The following ARMH3 variants were observed in gnomAD, a reference collection of about 807,000 sequenced individuals.
The protein encoded by ARMH3 is armadillo-like helical domain-containing protein 3.
A neutral mutation model predicts 99.1 loss-of-function variants in ARMH3; 60 were observed. The observed-to-expected ratio is 0.61, with a 90% CI of 0.49 to 0.75. The LOEUF (loss-of-function observed/expected upper bound fraction) is 0.75. ARMH3 is among the 30% of genes least tolerant of loss of function. The pLI is 0.00. For synonymous variants in ARMH3, 285 were observed against 292.8 expected, an observed-to-expected ratio of 0.97 and a Z score of 0.27; for missense variants, 679 against 843.1, an observed-to-expected ratio of 0.81 and a Z score of 2.41.
chr10:101,913,149 C>T (rs1261380049), intron 23 of ARMH3: 2 of 146,648 alleles, frequency 1.4e-5, no homozygotes, highest in Non-Finnish European at 3.1e-5. Context: ...CCTAGCTAAG[C>T]TTTTCTTTTC....
chr10:101,923,833 TAA>T (rs1488683217), intron 23 of ARMH3, among the ~76,000 whole-genome samples: 3 of 152,200 alleles, frequency 2.0e-5, no homozygotes, highest in East Asian at 3.8e-4. Context: ...GACTTTTCCA[TAA>T]AAGAGTCTTA....
chr10:101,946,638 G>A (rs745458392), intron 22 of ARMH3, among the ~76,000 whole-genome samples: 2 of 152,046 alleles, frequency 1.3e-5, no homozygotes, highest in Admixed American at 6.6e-5. Context: ...AATGGGGGAG[G>A]GGAGGGACAG....
chr10:101,887,246 AC>A (rs1330178086), intron 24 of ARMH3, among the ~76,000 whole-genome samples: 16 of 152,072 alleles, frequency 1.1e-4, no homozygotes, highest in Non-Finnish European at 2.4e-4. Flanking sequence ...GAATAGTATC[AC>A]CCTCCTCCAA....
chr10:102,009,495 A>C (rs201138647), intron 12 of ARMH3, 46 bp from the exon 13 acceptor site: 2 of 1,440,734 alleles, frequency 1.4e-6, no homozygotes, highest in Non-Finnish European at 2.0e-6. Flanking sequence ...TAGTGGGGGG[A>C]GTTAAAACAG....
At chr10:102,009,930 GC>G in intron 12 of ARMH3, 46 bp downstream of exon 12, 1 of 1,554,314 alleles carries the variant, frequency 6.4e-7, no homozygotes, top group South Asian at 1.1e-5. Context: ...CAGCAGGACA[GC>G]CCACACTAAA....
At chr10:102,005,774 G>C (rs188674888) in intron 14 of ARMH3, among the ~76,000 whole-genome samples, 1 of 152,168 alleles carries the variant, frequency 6.6e-6, no homozygotes, top group East Asian at 1.9e-4. Context: ...TTTCTTTTCT[G>C]TTGCCTTTTT....
At chr10:101,943,285 G>A (rs973574657) in intron 22 of ARMH3, among the ~76,000 whole-genome samples, 7 of 152,158 alleles carry the variant, frequency 4.6e-5, no homozygotes, top group East Asian at 1.9e-4. Flanking sequence ...GGCCGAGGGC[G>A]AAGAACCACT....
chr10:101,922,758 G>A (rs143311863), intron 23 of ARMH3, among the ~76,000 whole-genome samples: 81 of 152,242 alleles, frequency 5.3e-4, no homozygotes, highest in African/African-American at 1.7e-3. Flanking sequence ...GAAAGATGAA[G>A]TACATTCAAA....
intron 8 of ARMH3, among the ~76,000 whole-genome samples, chr10:102,015,778 C>G (rs1368677608): frequency 2.0e-5 from 3 of 152,196 alleles, no homozygotes; most frequent in Non-Finnish European, 4.4e-5. Context: ...GAATTAGGCA[C>G]ATAAAGCTAA....
At chr10:102,046,029 A>C (rs2067541321) in intron 1 of ARMH3, among the ~76,000 whole-genome samples, 1 of 152,042 alleles carries the variant, frequency 6.6e-6, no homozygotes, top group South Asian at 2.1e-4. Flanking sequence ...CAGGTGGAGG[A>C]GGTTACAGTG....
At chr10:101,985,115 G>GTACA (rs1846416265) in intron 19 of ARMH3, among the ~76,000 whole-genome samples, 3 of 127,896 alleles carry the variant, frequency 2.3e-5, no homozygotes, top group African/African-American at 8.6e-5. Context: ...ACACACACGT[G>GTACA]TACATATATA....
In ARMH3 at chr10:101,849,796, C is replaced by G. The variant is rs1312649368; in HGVS notation, c.1957G>C (p.Ala653Pro). ...YERYSEQHKE[A>P]AFFKELVRSI... is the part of the protein sequence containing the mutation. ...CTCACCAGCTCTTTGAAGAAGGCAG[C>G]TTCCTTGTGCTGCTCTGAGTAGCGC... Residue 653 changes from alanine to proline, a missense_variant, in exon 25 of 26, where the codon GCT (alanine) becomes CCT (proline). Around this residue, in one of 3 missense-constraint regions of ARMH3, gnomAD observed 389 missense variants for 456.5 expected, o/e 0.85. Coordinates refer to ENST00000370033, the MANE Select transcript of ARMH3 (RefSeq NM_024541.3). 6.2e-7 allele frequency: 1 copy of G among 1,614,124 alleles called. No individual in the cohort carries two copies. Among genetic ancestry groups the G allele is most frequent in the Non-Finnish European group, 8.5e-7 (1 of 1,179,976 alleles).
intron 20 of ARMH3, among the ~76,000 whole-genome samples, chr10:101,971,154 G>A (rs181066775): frequency 6.6e-6 from 1 of 150,708 alleles, no homozygotes; most frequent in African/African-American, 2.4e-5. Flanking sequence ...ACTAAAATAG[G>A]GGCCCAATAT....
intron 24 of ARMH3, among the ~76,000 whole-genome samples, chr10:101,856,596 CAG>C (rs967644495): frequency 4.0e-5 from 6 of 151,726 alleles, no homozygotes; most frequent in African/African-American, 1.5e-4. Flanking sequence ...TGACTTGAAA[CAG>C]ATAAAGGAGT....
At chr10:102,040,201 A>G (rs1400745909) in intron 1 of ARMH3, 76 bp from the exon 2 acceptor site, 13 of 1,247,426 alleles carry the variant, frequency 1.0e-5, no homozygotes, top group Admixed American at 3.4e-5. Flanking sequence ...TATGTCATAC[A>G]TTTGTCCAAG....
chr10:102,014,278 T>G (rs1367690232), intron 8 of ARMH3, among the ~76,000 whole-genome samples: 1 of 152,176 alleles, frequency 6.6e-6, no homozygotes, highest in Non-Finnish European at 1.5e-5. Flanking sequence ...TTAGGCTAAA[T>G]CAGTGCAGGC....
At chr10:101,909,408 C>T (rs1842777587) in intron 23 of ARMH3, among the ~76,000 whole-genome samples, 1 of 143,452 alleles carries the variant, frequency 7.0e-6, no homozygotes, top group Non-Finnish European at 1.5e-5. Context: ...ACCCTAAACC[C>T]TATCTCAAAA....
intron 2 of ARMH3, among the ~76,000 whole-genome samples, chr10:102,037,383 T>G (rs2067302555): frequency 1.3e-5 from 2 of 151,974 alleles, no homozygotes; most frequent in South Asian, 2.1e-4. Flanking sequence ...GGGGTTTTAC[T>G]ACCTTGGTCA....
chr10:101,989,911 T>G (rs900522316), intron 19 of ARMH3, among the ~76,000 whole-genome samples: 2 of 152,190 alleles, frequency 1.3e-5, no homozygotes, highest in African/African-American at 4.8e-5. Context: ...TCCTACCTAA[T>G]GCGAAAGCTC....
Sources: gnomAD v4.1 joint callset for allele counts (sites outside exome capture counted in the v4.1 genomes callset) on GRCh38, gnomAD v4.1.1 for gene constraint, gnomAD v4.1.1 regional missense constraint, MANE v1.5 for transcripts, NCBI Gene and HGNC (gene_info 2026-07-23, HGNC 2026-07-21) for gene names.